PDHX: variants seen among roughly 807,000 people sequenced by gnomAD.
PDHX encodes pyruvate dehydrogenase complex component X.
A neutral mutation model predicts 55.3 loss-of-function variants in PDHX; 33 were observed. The ratio of observed to expected loss-of-function variants is 0.60; its 90% confidence interval spans 0.45 to 0.80. The LOEUF (loss-of-function observed/expected upper bound fraction) is 0.80. Among genes scored for constraint, PDHX ranks in the 30% least tolerant of loss-of-function variants. The probability of loss-of-function intolerance (pLI) is 0.00; values close to 1 mark genes in which losing one functional copy is unlikely to be tolerated. For missense variants in PDHX, 622 were observed against 619.9 expected (o/e 1.00, Z -0.04); for synonymous variants, 226 against 219.4 (o/e 1.03, Z -0.27).
At chr11:34,969,483 A>C (rs1855209095) in intron 6 of PDHX, among the ~76,000 whole-genome samples, 1 of 151,722 alleles carries the variant, frequency 6.6e-6, no homozygotes, top group Non-Finnish European at 1.5e-5. Context: ...AGCTGGGATT[A>C]CAGGCACGCG....
At chr11:34,948,054 T>A (rs1854666092) in intron 3 of PDHX, among the ~76,000 whole-genome samples, 1 of 152,214 alleles carries the variant, frequency 6.6e-6, no homozygotes, top group South Asian at 2.1e-4. Flanking sequence ...TAAAAAGTTC[T>A]GCCAGTTATT....
At chr11:34,960,252 A>C (rs1223125576) in intron 4 of PDHX, among the ~76,000 whole-genome samples, 168 bp from the exon 5 acceptor site, 1 of 152,250 alleles carries the variant, frequency 6.6e-6, no homozygotes, top group East Asian at 1.9e-4. Context: ...TAAAGAATAA[A>C]ATAAACCAAA....
intron 9 of PDHX, among the ~76,000 whole-genome samples, chr11:34,987,494 AGTTTATGTGTGTGT>A (rs1855671067): frequency 6.6e-6 from 1 of 152,096 alleles, no homozygotes; most frequent in Non-Finnish European, 1.5e-5. Context: ...AGAGAAAGAA[AGTTTATGTGTGTGT>A]GTGTATGTGT....
intron 1 of PDHX, among the ~76,000 whole-genome samples, chr11:34,926,757 A>T (rs1407779927): frequency 6.6e-6 from 1 of 152,054 alleles, no homozygotes; most frequent in Non-Finnish European, 1.5e-5. Flanking sequence ...CTGAAGTATG[A>T]GCATTTTGTT....
At chr11:34,922,826 G>C (rs181052669) in intron 1 of PDHX, among the ~76,000 whole-genome samples, 494 of 151,092 alleles carry the variant, frequency 3.3e-3, no homozygotes, top group African/African-American at 0.012. Flanking sequence ...AGCTTAATTT[G>C]CCTTTTACGA....
chr11:34,970,885 A>G (rs1246959087), intron 7 of PDHX, among the ~76,000 whole-genome samples: 1 of 152,214 alleles, frequency 6.6e-6, no homozygotes, highest in Non-Finnish European at 1.5e-5. Context: ...CTGAAGTACT[A>G]TAATTTGGTT....
chr11:34,979,378 A>C (rs1590765009), intron 8 of PDHX, among the ~76,000 whole-genome samples: 1 of 151,988 alleles, frequency 6.6e-6, no homozygotes, highest in East Asian at 1.9e-4. Context: ...TAAATCTAGA[A>C]CCCAGGCTTC....
At chr11:34,960,611 A>T in intron 5 of PDHX, 93 bp downstream of exon 5, 1 of 738,940 alleles carries the variant, frequency 1.4e-6, no homozygotes, top group Middle Eastern at 2.4e-4. Flanking sequence ...CAGTCTTAAG[A>T]TTTAAAAGGA....
intron 1 of PDHX, among the ~76,000 whole-genome samples, chr11:34,927,166 C>G (rs568671377): frequency 7.2e-5 from 11 of 152,068 alleles, no homozygotes; most frequent in African/African-American, 2.6e-4. Context: ...ACTTCACAAG[C>G]CAATTAGATA....
chr11:34,973,845 T>C (rs922744119), intron 7 of PDHX, among the ~76,000 whole-genome samples: 13 of 151,818 alleles, frequency 8.6e-5, no homozygotes, highest in Non-Finnish European at 1.6e-4. Flanking sequence ...ATCTGTACTT[T>C]TTTTCATTTC....
At chr11:34,964,727 G>T (rs1212912730) in intron 5 of PDHX, among the ~76,000 whole-genome samples, 1 of 141,384 alleles carries the variant, frequency 7.1e-6, no homozygotes, top group Non-Finnish European at 1.5e-5. Context: ...AAACTAAACT[G>T]CTTTTTAAAA....
chr11:34,963,152 T>C (rs1312007857), intron 5 of PDHX, among the ~76,000 whole-genome samples: 1 of 152,250 alleles, frequency 6.6e-6, no homozygotes, highest in Non-Finnish European at 1.5e-5. Context: ...AAGTTTATCA[T>C]TAAGGTGAGC....
At chr11:34,986,747 G>A (rs751647343) in intron 9 of PDHX, among the ~76,000 whole-genome samples, 23 of 152,162 alleles carry the variant, frequency 1.5e-4, no homozygotes, top group Non-Finnish European at 2.8e-4. Context: ...GGGCCTCACA[G>A]CAATGGGAAG....
chr11:34,949,195 G>A (rs2915183), intron 3 of PDHX, among the ~76,000 whole-genome samples: 91,124 of 152,068 alleles, frequency 0.6, 28,841 homozygotes, highest in East Asian at 0.75. Context: ...ACAAGATGTT[G>A]CAATTTTATC....
Position 34,995,267 on chromosome 11 carries a change from T to G in PDHX, c.*95T>G. On this transcript the variant is annotated 3_prime_UTR_variant, in exon 11 of 11. Coordinates refer to ENST00000227868, the MANE Select transcript of PDHX (RefSeq NM_003477.3). Reference sequence around the variant, plus strand: ...AGGAAAACAACTTGGTATTTAAGTATGAAGTGGATGAAATGTTTATTTATT... The same window carrying G: ...AGGAAAACAACTTGGTATTTAAGTAGGAAGTGGATGAAATGTTTATTTATT... 7.8e-7 allele frequency: 1 copy of G among 1,288,404 alleles called. No homozygotes were observed. Among genetic ancestry groups the G allele is most frequent in the Non-Finnish European group, 1.1e-6 (1 of 889,170 alleles). 79.8% of individuals were successfully genotyped at this position (1,288,404 alleles called of 1,614,324 possible). A position where few individuals can be genotyped will look rare whatever the true frequency, so the allele number is the denominator to read the frequency against.
chr11:34,931,723 C>A (rs1158964025), intron 2 of PDHX, among the ~76,000 whole-genome samples: 1 of 151,826 alleles, frequency 6.6e-6, no homozygotes, highest in East Asian at 1.9e-4. Flanking sequence ...TATTTTAAGG[C>A]TTTTTCCCCA....
chr11:34,950,367 TA>T (rs1399345096), intron 3 of PDHX, among the ~76,000 whole-genome samples: 20 of 150,366 alleles, frequency 1.3e-4, no homozygotes, highest in South Asian at 4.2e-4. Context: ...TTTATTTATT[TA>T]TTTTATTATT....
At chr11:34,932,314 T>TA (rs946635992) in intron 2 of PDHX, among the ~76,000 whole-genome samples, 85 of 151,946 alleles carry the variant, frequency 5.6e-4, no homozygotes, top group African/African-American at 1.8e-3. Flanking sequence ...ACAAGTTAAG[T>TA]AAAAAAAGAA....
chr11:34,942,857 A>C (rs368507320), intron 2 of PDHX, among the ~76,000 whole-genome samples: 3 of 151,288 alleles, frequency 2.0e-5, no homozygotes, highest in East Asian at 1.9e-4. Flanking sequence ...TTTCTCTTCT[A>C]CCCTCTCCCT....
Sources: allele counts gnomAD v4.1 joint callset (sites outside exome capture counted in the v4.1 genomes callset), GRCh38; gene constraint gnomAD v4.1.1; transcripts MANE v1.5; gene names NCBI Gene and HGNC (gene_info 2026-07-23, HGNC 2026-07-21).